The following ARHGAP15 variants were observed in gnomAD, a reference collection of about 807,000 sequenced individuals.
ARHGAP15 encodes the protein rho GTPase-activating protein 15.
Under a neutral mutation model 63.7 loss-of-function variants are expected in ARHGAP15, and 51 were observed. The observed-to-expected ratio is 0.80, with a 90% confidence interval of 0.64 to 1.01. ARHGAP15 has a LOEUF of 1.01. Among genes scored for constraint, ARHGAP15 ranks in the 50% least tolerant of loss-of-function variants. The pLI is 0.00. For synonymous variants in ARHGAP15, 191 were observed against 193.8 expected, an observed-to-expected ratio of 0.99 and a Z score of 0.12; for missense variants, 560 against 564.6, an observed-to-expected ratio of 0.99 and a Z score of 0.08.
chr2:143,521,608 C>G (rs1163640228), intron 10 of ARHGAP15, among the ~76,000 whole-genome samples: 3 of 152,022 alleles, frequency 2.0e-5, no homozygotes, highest in Non-Finnish European at 4.4e-5. Context: ...TTCTAATGGC[C>G]AGATACTCTC....
chr2:143,155,955 A>G (rs1690061840), intron 2 of ARHGAP15, among the ~76,000 whole-genome samples: 1 of 151,894 alleles, frequency 6.6e-6, no homozygotes, highest in Non-Finnish European at 1.5e-5. Context: ...AGGTTATGCT[A>G]GCATGTGGTG....
At chr2:143,260,636 A>G (rs886967813) in intron 6 of ARHGAP15, among the ~76,000 whole-genome samples, 1 of 152,170 alleles carries the variant, frequency 6.6e-6, no homozygotes, top group Non-Finnish European at 1.5e-5. Context: ...TATCCTTTAC[A>G]AGAAAATGTG....
At chr2:143,478,455 A>C (rs537556862) in intron 8 of ARHGAP15, among the ~76,000 whole-genome samples, 1 of 152,184 alleles carries the variant, frequency 6.6e-6, no homozygotes, top group South Asian at 2.1e-4. Context: ...CCATCTCTCT[A>C]TGTCCTTAGA....
At chr2:143,456,958 T>C (rs1690687980) in intron 8 of ARHGAP15, among the ~76,000 whole-genome samples, 1 of 151,926 alleles carries the variant, frequency 6.6e-6, no homozygotes, top group African/African-American at 2.4e-5. Context: ...GAAATTAATA[T>C]ATAATAAAAA....
chr2:143,226,990 T>A (rs1693236405), intron 4 of ARHGAP15, among the ~76,000 whole-genome samples: 1 of 152,224 alleles, frequency 6.6e-6, no homozygotes, highest in Non-Finnish European at 1.5e-5. Context: ...TATTTTGGTG[T>A]GGTTTTCTAT....
chr2:143,366,827 AATT>A (rs1166514480), intron 6 of ARHGAP15, among the ~76,000 whole-genome samples: 5 of 152,068 alleles, frequency 3.3e-5, no homozygotes, highest in African/African-American at 9.6e-5. Flanking sequence ...GTAGTTATGT[AATT>A]ATTCATTCCT....
At chr2:143,254,956 TAA>T (rs1680346724) in intron 6 of ARHGAP15, among the ~76,000 whole-genome samples, 1 of 152,034 alleles carries the variant, frequency 6.6e-6, no homozygotes, top group Non-Finnish European at 1.5e-5. Context: ...ATGAAGAAGA[TAA>T]CTGTTTCCTG....
chr2:143,704,842 T>C (rs891753767), intron 13 of ARHGAP15, among the ~76,000 whole-genome samples: 1 of 152,192 alleles, frequency 6.6e-6, no homozygotes, highest in Non-Finnish European at 1.5e-5. Flanking sequence ...GATTTTTCAT[T>C]GTGAATGTAA....
intron 12 of ARHGAP15, among the ~76,000 whole-genome samples, chr2:143,692,464 C>T (rs1009421445): frequency 1.3e-5 from 2 of 152,172 alleles, no homozygotes; most frequent in African/African-American, 4.8e-5. Flanking sequence ...CAAAGCCCCT[C>T]GCTAATTATT....
At chr2:143,470,740 A>C (rs1482638908) in intron 8 of ARHGAP15, among the ~76,000 whole-genome samples, 1 of 146,614 alleles carries the variant, frequency 6.8e-6, no homozygotes, top group East Asian at 2.2e-4. Context: ...AAACCTGTAG[A>C]TGGAGGTGAT....
chr2:143,541,531 G>A (rs868142609), intron 10 of ARHGAP15, among the ~76,000 whole-genome samples: 1 of 152,130 alleles, frequency 6.6e-6, no homozygotes, highest in East Asian at 1.9e-4. Flanking sequence ...GTCTTTGATG[G>A]TGGTGACATA....
At chr2:143,461,963 G>T (rs953777695) in intron 8 of ARHGAP15, among the ~76,000 whole-genome samples, 1 of 152,054 alleles carries the variant, frequency 6.6e-6, no homozygotes, top group African/African-American at 2.4e-5. Flanking sequence ...GAGCAGCCTG[G>T]GCAACATGGC....
intron 13 of ARHGAP15, among the ~76,000 whole-genome samples, chr2:143,736,196 G>A (rs768348018): frequency 7.2e-5 from 11 of 152,060 alleles, no homozygotes; most frequent in African/African-American, 9.7e-5. Flanking sequence ...TCAGGAGTTC[G>A]AGACCAGCCT....
chr2:143,706,554 G>T (rs1173096418), intron 13 of ARHGAP15: 1 of 152,144 alleles, frequency 6.6e-6, no homozygotes, highest in Non-Finnish European at 1.5e-5. Flanking sequence ...GCTATCAACT[G>T]GGAAAGCTTA....
At chr2:143,311,433 G>A (rs1274548696) in intron 6 of ARHGAP15, among the ~76,000 whole-genome samples, 2 of 151,998 alleles carry the variant, frequency 1.3e-5, no homozygotes, top group Admixed American at 6.6e-5. Context: ...TGATTCATGA[G>A]AGGATTAATC....
Position 143,519,986 on chromosome 2 carries a change from G to C in ARHGAP15, c.925+622G>C, listed in dbSNP as rs191967758. Among the ~76,000 whole-genome samples the C allele has an allele frequency of 2.8e-3, 430 of 152,138 alleles. 3 individuals are homozygous for C. The highest frequency in any genetic ancestry group is 5.3e-3 in the Non-Finnish European group (358 of 67,984). ...CATTTCTACTCCACTCTATCTGTGG[G>C]GTGTTTTTCCTTCAAACTATGACTT... On this transcript the variant is annotated intron_variant, in intron 10 of 13. Transcript: ENST00000295095.
intron 6 of ARHGAP15, among the ~76,000 whole-genome samples, chr2:143,272,746 G>A (rs1024311701): frequency 5.3e-5 from 8 of 152,192 alleles, no homozygotes; most frequent in African/African-American, 1.2e-4. Flanking sequence ...CTCTCTTTGA[G>A]AGAACTGCCA....
intron 10 of ARHGAP15, among the ~76,000 whole-genome samples, chr2:143,541,357 G>A (rs1695042946): frequency 1.3e-5 from 2 of 152,070 alleles, no homozygotes; most frequent in Non-Finnish European, 2.9e-5. Flanking sequence ...TTGATCTTCT[G>A]AAGCCTTCTT....
chr2:143,543,577 T>G (rs539498761), intron 10 of ARHGAP15, among the ~76,000 whole-genome samples: 42 of 152,240 alleles, frequency 2.8e-4, no homozygotes, highest in African/African-American at 9.9e-4. Context: ...TTTGTCTATT[T>G]TTTGGCACAT....
Sources: gnomAD v4.1 joint callset for allele counts (sites outside exome capture counted in the v4.1 genomes callset) on GRCh38, gnomAD v4.1.1 for gene constraint, MANE v1.5 for transcripts, NCBI Gene and HGNC (gene_info 2026-07-23, HGNC 2026-07-21) for gene names.